Variants in ZNF609 observed in about 807,000 individuals in gnomAD.
The protein encoded by ZNF609 is zinc finger protein 609.
ZNF609 carries 11 observed loss-of-function variants against 109.5 expected under a neutral mutation model. The ratio of observed to expected loss-of-function variants is 0.10; its 90% confidence interval spans 0.06 to 0.17. The LOEUF is 0.17. Among genes scored for constraint, ZNF609 ranks in the 10% least tolerant of loss-of-function variants. The probability of loss-of-function intolerance (pLI) is 1.00; values close to 1 mark genes in which losing one functional copy is unlikely to be tolerated. For missense variants in ZNF609, 1,559 were observed against 1,772.4 expected (o/e 0.88, Z 2.16); for synonymous variants, 646 against 662.0 (o/e 0.98, Z 0.37).
At chr15:64,670,833 A>G (rs2141011710) in intron 4 of ZNF609, among the ~76,000 whole-genome samples, 1 of 150,186 alleles carries the variant, frequency 6.7e-6, no homozygotes, top group African/African-American at 2.5e-5. Flanking sequence ...AGCCAAGATC[A>G]CACCATTGCA....
chr15:64,617,783 AAAACAAAC>A (rs1050349557), intron 2 of ZNF609, among the ~76,000 whole-genome samples: 1 of 152,162 alleles, frequency 6.6e-6, no homozygotes, highest in Non-Finnish European at 1.5e-5. Context: ...TCCATCTCAA[AAAACAAAC>A]AAACAAACAA....
chr15:64,499,882 G>A lies in ZNF609; in HGVS notation c.463G>A (p.Gly155Ser), dbSNP rs543917172. The A allele has an allele frequency of 2.0e-5, 32 of 1,613,918 alleles. No homozygotes were observed. The Middle Eastern group carries it at 8.2e-4, about 42-fold the overall frequency. Residue 155 changes from glycine to serine, a missense_variant, in exon 2 of 10, where the codon GGT becomes AGT. Physicochemically the swap from Gly to Ser is moderately conservative, Grantham distance 56 (BLOSUM62 0). Around this residue, in one of 4 missense-constraint regions of ZNF609, gnomAD observed 291 missense variants for 317.8 expected, o/e 0.92. Transcript: ENST00000326648. ...GGCTAAGGCATCCCGCAGTGTAGCCGGTTCCAAAAAGGAGAAGGAGAACAG... is the reference window on the plus strand; with the variant it reads ...GGCTAAGGCATCCCGCAGTGTAGCCAGTTCCAAAAAGGAGAAGGAGAACAG... ...KAAKASRSVA[G>S]SKKEKENSSS... is the part of the protein sequence containing the mutation.
intron 2 of ZNF609, among the ~76,000 whole-genome samples, chr15:64,590,225 T>C (rs1220733342): frequency 6.6e-6 from 1 of 152,202 alleles, no homozygotes; most frequent in Non-Finnish European, 1.5e-5. Context: ...TTGAAGTTTT[T>C]GGGTCGGAAC....
At chr15:64,681,283 A>G (rs1053035025) in intron 8 of ZNF609, 26 bp from the exon 9 acceptor site, 7 of 1,610,704 alleles carry the variant, frequency 4.3e-6, no homozygotes, top group African/African-American at 2.7e-5. Context: ...TGAGTGCTAC[A>G]CTAACATGTT....
chr15:64,505,781 C>T (rs977330084), intron 2 of ZNF609, among the ~76,000 whole-genome samples: 7 of 152,028 alleles, frequency 4.6e-5, no homozygotes, highest in Admixed American at 3.3e-4. Context: ...GGTAAGTATT[C>T]GGGGCCACTT....
In ZNF609 at chr15:64,678,304, G is replaced by A; in HGVS notation, c.3591G>A (p.Glu1197=). The A allele has an allele frequency of 1.2e-6, 2 of 1,614,182 alleles. No individual in the cohort carries two copies. The highest frequency in any genetic ancestry group is 1.1e-5 in the South Asian group (1 of 91,080). Residue 1197 remains glutamate (E), a synonymous_variant, in exon 6 of 10, where the codon GAG becomes GAA. Transcript: ENST00000326648. The part of the protein sequence containing the change: ...TSSDCKLPTS[E]ESRLGSKEPR... Reference sequence around the variant, plus strand: ...GTGACTGCAAGCTGCCCACGTCAGAGGAGTCTCGCCTTGGGAGCAAGGAGC... The same window carrying A: ...GTGACTGCAAGCTGCCCACGTCAGAAGAGTCTCGCCTTGGGAGCAAGGAGC...
intron 2 of ZNF609, among the ~76,000 whole-genome samples, chr15:64,506,619 C>A (rs2065483062): frequency 6.6e-6 from 1 of 151,482 alleles, no homozygotes; most frequent in African/African-American, 2.4e-5. Flanking sequence ...ACTCAGGATG[C>A]TGAGGCAGGA....
chr15:64,625,192 G>T (rs1895933997), intron 3 of ZNF609, among the ~76,000 whole-genome samples: 2 of 152,178 alleles, frequency 1.3e-5, no homozygotes. Flanking sequence ...AGATCAGGCA[G>T]TCTGTTTTGC....
chr15:64,582,723 C>T (rs371376257), intron 2 of ZNF609, among the ~76,000 whole-genome samples: 159 of 88,676 alleles, frequency 1.8e-3, no homozygotes, highest in Admixed American at 2.3e-3. Context: ...TTTCTTTTTT[C>T]TTTTTTTTTT....
chr15:64,483,639 G>A (rs1412740883), intron 1 of ZNF609, among the ~76,000 whole-genome samples: 1 of 152,082 alleles, frequency 6.6e-6, no homozygotes, highest in Non-Finnish European at 1.5e-5. Flanking sequence ...TCCCACCTTG[G>A]CCTCCCAAAG....
chr15:64,659,776 G>A (rs921288366), intron 3 of ZNF609, among the ~76,000 whole-genome samples: 7 of 151,622 alleles, frequency 4.6e-5, no homozygotes, highest in African/African-American at 1.5e-4. Context: ...CGAATGGTTT[G>A]TGGTCCAAAG....
chr15:64,476,641 T>C (rs1457155404), intron 1 of ZNF609, among the ~76,000 whole-genome samples: 1 of 152,234 alleles, frequency 6.6e-6, no homozygotes, highest in Non-Finnish European at 1.5e-5. Flanking sequence ...TCTTTTCTCC[T>C]GTCTGCTCCT....
chr15:64,594,499 AT>A (rs797002529), intron 2 of ZNF609, among the ~76,000 whole-genome samples: 23 of 147,836 alleles, frequency 1.6e-4, no homozygotes, highest in African/African-American at 2.2e-4. Flanking sequence ...CATCTGGCTA[AT>A]TTTTTTTTTG....
chr15:64,609,059 TTAATTTTTCTTTC>T (rs1278858037), intron 2 of ZNF609, among the ~76,000 whole-genome samples: 7 of 151,444 alleles, frequency 4.6e-5, no homozygotes, highest in African/African-American at 1.7e-4. Context: ...TGTTTTAGTT[TTAATTTTTCTTTC>T]TTTCTTTCTT....
At chr15:64,672,180 T>C (rs1896740616) in intron 4 of ZNF609, among the ~76,000 whole-genome samples, 1 of 149,896 alleles carries the variant, frequency 6.7e-6, no homozygotes, top group African/African-American at 2.4e-5. Context: ...GCCCGGCTAA[T>C]TTTTTGTATT....
At chr15:64,583,483 C>T (rs745391887) in intron 2 of ZNF609, among the ~76,000 whole-genome samples, 14 of 151,958 alleles carry the variant, frequency 9.2e-5, no homozygotes, top group Non-Finnish European at 1.8e-4. Context: ...GTTGATTGAC[C>T]ATTGATGAGG....
chr15:64,548,343 T>C (rs1894402625), intron 2 of ZNF609, among the ~76,000 whole-genome samples: 1 of 152,204 alleles, frequency 6.6e-6, no homozygotes, highest in Non-Finnish European at 1.5e-5. Context: ...ATAATTTTAC[T>C]CGTGTACACT....
intron 2 of ZNF609, among the ~76,000 whole-genome samples, chr15:64,540,565 C>T (rs939761077): frequency 1.3e-5 from 2 of 151,712 alleles, no homozygotes; most frequent in Admixed American, 6.6e-5. Context: ...CCACTGTGCC[C>T]AGCTAATTTT....
At chr15:64,554,637 A>C (rs1894546395) in intron 2 of ZNF609, among the ~76,000 whole-genome samples, 1 of 152,108 alleles carries the variant, frequency 6.6e-6, no homozygotes, top group South Asian at 2.1e-4. Flanking sequence ...CAGACTGGGC[A>C]ACAGATCAAG....
Sources: gnomAD v4.1 joint callset for allele counts (sites outside exome capture counted in the v4.1 genomes callset) on GRCh38, gnomAD v4.1.1 for gene constraint, gnomAD v4.1.1 regional missense constraint, MANE v1.5 for transcripts, NCBI Gene and HGNC (gene_info 2026-07-23, HGNC 2026-07-21) for gene names.